IL1RAPL2: variants seen among roughly 807,000 people sequenced by gnomAD.
IL1RAPL2 encodes X-linked interleukin-1 receptor accessory protein-like 2.
IL1RAPL2 carries 3 observed loss-of-function variants against 44.1 expected under a neutral mutation model. That is an observed-to-expected ratio of 0.07 (90% CI 0.03 to 0.18). The LOEUF (loss-of-function observed/expected upper bound fraction) is 0.18, where lower values mean the gene tolerates loss of function less well. Among genes scored for constraint, IL1RAPL2 ranks in the 10% least tolerant of loss-of-function variants. The probability of loss-of-function intolerance (pLI) is 1.00; values close to 1 mark genes in which losing one functional copy is unlikely to be tolerated. For synonymous variants in IL1RAPL2, 181 were observed against 178.8 expected, an observed-to-expected ratio of 1.01 and a Z score of -0.10; for missense variants, 391 against 496.4, an observed-to-expected ratio of 0.79 and a Z score of 2.02.
chrX:105,315,151 T>C (rs2034826966), intron 5 of IL1RAPL2, among the ~76,000 whole-genome samples: 1 of 111,035 alleles, frequency 9.0e-6, no homozygotes, highest in Non-Finnish European at 1.9e-5. Flanking sequence ...TAATTAATGT[T>C]AGTCCCCCAT....
chrX:105,268,985 T>C (rs772645243), intron 5 of IL1RAPL2, among the ~76,000 whole-genome samples: 2 of 110,946 alleles, frequency 1.8e-5, no homozygotes, highest in South Asian at 7.6e-4. Flanking sequence ...TGTTTGTATG[T>C]ATACACATAC....
chrX:104,951,490 C>G (rs1031910482), intron 2 of IL1RAPL2, among the ~76,000 whole-genome samples: 3 of 112,206 alleles, frequency 2.7e-5, no homozygotes, highest in Non-Finnish European at 5.6e-5. Context: ...TCTGAGCTGA[C>G]GTTACCAAAA....
chrX:105,672,405 A>G (rs1426686596), intron 6 of IL1RAPL2, among the ~76,000 whole-genome samples: 1 of 112,189 alleles, frequency 8.9e-6, no homozygotes, highest in African/African-American at 3.2e-5. Flanking sequence ...CCTAACTACT[A>G]CTACATAGGT....
chrX:104,665,300 T>G (rs1271455662), intron 2 of IL1RAPL2, among the ~76,000 whole-genome samples: 4 of 111,314 alleles, frequency 3.6e-5, no homozygotes, highest in African/African-American at 1.3e-4. Flanking sequence ...TCCTTTCTTT[T>G]TCTTTTTTGC....
intron 2 of IL1RAPL2, among the ~76,000 whole-genome samples, chrX:105,159,688 A>G (rs978480677): frequency 2.7e-5 from 3 of 111,973 alleles, no homozygotes; most frequent in African/African-American, 9.7e-5. Context: ...GAAACAGTGG[A>G]AGAACCATTT....
In IL1RAPL2 at chrX:105,160,196, TG is replaced by T. The variant is rs778815019; in HGVS notation, c.83-35278del. Among the ~76,000 whole-genome samples the T allele has an allele frequency of 2.7e-5, 3 of 110,580 alleles. No homozygotes were observed. The Admixed American group carries it at 2.9e-4, about 11-fold the overall frequency. ...AAAAGTTGATGAGAATCCATATAAC[TG>T]ATGAATTTCTTTGCAGTCCGTTTAC... On this transcript the variant is annotated intron_variant, in intron 2 of 10. Coordinates refer to ENST00000372582, the MANE Select transcript of IL1RAPL2 (RefSeq NM_017416.2).
chrX:105,187,771 G>T (rs2033601840), intron 2 of IL1RAPL2, among the ~76,000 whole-genome samples: 1 of 111,715 alleles, frequency 9.0e-6, no homozygotes, highest in African/African-American at 3.3e-5. Flanking sequence ...CAAAGTTTCA[G>T]TCGAACAGTA....
At chrX:104,672,437 T>C (rs767099414) in intron 2 of IL1RAPL2, among the ~76,000 whole-genome samples, 1 of 110,539 alleles carries the variant, frequency 9.0e-6, no homozygotes, top group South Asian at 4.0e-4. Context: ...CATCATTTTT[T>C]ATGGCTGCAT....
intron 4 of IL1RAPL2, among the ~76,000 whole-genome samples, chrX:105,251,140 A>G (rs2034265227): frequency 1.8e-5 from 2 of 111,069 alleles, no homozygotes; most frequent in East Asian, 2.8e-4. Context: ...CCATTTCTAA[A>G]TGCTACCACT....
chrX:105,120,469 A>G (rs997518810), intron 2 of IL1RAPL2, among the ~76,000 whole-genome samples: 1 of 111,280 alleles, frequency 9.0e-6, no homozygotes, highest in African/African-American at 3.3e-5. Flanking sequence ...ACTATCGAGA[A>G]TAAGATCTGG....
chrX:104,617,341 C>A lies in IL1RAPL2; in HGVS notation c.-19-41554C>A, dbSNP rs182997842. Among the ~76,000 whole-genome samples the A allele has an allele frequency of 2.7e-5, 3 of 111,632 alleles. No homozygotes were observed. In the East Asian group the frequency reaches 8.5e-4, roughly 32 times the overall value. On this transcript the variant is annotated intron_variant, in intron 1 of 10. Transcript: ENST00000372582. ...CTTTGGATAGTCTGGTGACTGCATG[C>A]CTTGGTGATGTTTCTTTTGTATAGA... is the stretch of plus-strand genomic sequence containing the variant.
intron 1 of IL1RAPL2, among the ~76,000 whole-genome samples, chrX:104,641,138 G>A (rs1013891463): frequency 8.9e-6 from 1 of 111,935 alleles, no homozygotes; most frequent in African/African-American, 3.3e-5. Flanking sequence ...GGCTGTGGTG[G>A]GCTGGGTTGG....
chrX:104,631,527 C>T (rs1238283521), intron 1 of IL1RAPL2, among the ~76,000 whole-genome samples: 6 of 111,272 alleles, frequency 5.4e-5, no homozygotes, highest in Non-Finnish European at 1.1e-4. Flanking sequence ...TAATGATCGC[C>T]ATTCTAACTG....
At chrX:104,645,866 G>A (rs1569288799) in intron 1 of IL1RAPL2, among the ~76,000 whole-genome samples, 1 of 112,279 alleles carries the variant, frequency 8.9e-6, no homozygotes, top group Non-Finnish European at 1.9e-5. Context: ...CACTATGAAA[G>A]CCTAGTCTAT....
At chrX:104,894,035 T>C (rs772373030) in intron 2 of IL1RAPL2, among the ~76,000 whole-genome samples, 51 of 111,698 alleles carry the variant, frequency 4.6e-4, no homozygotes, top group African/African-American at 1.6e-3. Context: ...TTATTTCTCC[T>C]TCACTTATGA....
chrX:104,585,213 CAT>C (rs1454787453), intron 1 of IL1RAPL2, among the ~76,000 whole-genome samples: 3 of 52,054 alleles, frequency 5.8e-5, no homozygotes, highest in African/African-American at 1.1e-4. Flanking sequence ...TATATATACA[CAT>C]ATATGTATAT....
At position 105,033,555 on chromosome X, in the gene IL1RAPL2, A is replaced by C. The variant is rs182669516; in HGVS notation, c.83-161920A>C. On this transcript the variant is annotated intron_variant, in intron 2 of 10. Coordinates refer to ENST00000372582, the MANE Select transcript of IL1RAPL2 (RefSeq NM_017416.2). ...TTAAGAATGTTGAATATTGGCCCCCACTCTCTTCTGGCTTGTAGAGTTTCT... is the reference window on the plus strand; with the variant it reads ...TTAAGAATGTTGAATATTGGCCCCCCCTCTCTTCTGGCTTGTAGAGTTTCT... Among the ~76,000 whole-genome samples, 27 of 111,083 alleles carry C rather than the reference A, an allele frequency of 2.4e-4. 1 individual carries two copies. The highest frequency in any genetic ancestry group is 1.7e-3 in the Admixed American group (18 of 10,469).
At chrX:104,844,933 A>C (rs1426678834) in intron 2 of IL1RAPL2, among the ~76,000 whole-genome samples, 1 of 111,794 alleles carries the variant, frequency 8.9e-6, no homozygotes, top group Non-Finnish European at 1.9e-5. Flanking sequence ...TGCATTTCCT[A>C]TTTGTAAAAA....
intron 7 of IL1RAPL2, among the ~76,000 whole-genome samples, chrX:105,719,776 C>T (rs2038287323): frequency 9.2e-6 from 1 of 108,332 alleles, no homozygotes; most frequent in African/African-American, 3.4e-5. Context: ...AAATTAATTG[C>T]CTGACACAGA....
Sources: gnomAD v4.1 joint callset for allele counts (sites outside exome capture counted in the v4.1 genomes callset) on GRCh38, gnomAD v4.1.1 for gene constraint, MANE v1.5 for transcripts, NCBI Gene and HGNC (gene_info 2026-07-23, HGNC 2026-07-21) for gene names.